The following MAPKAP1 variants were observed in gnomAD, a reference collection of about 807,000 sequenced individuals.
The protein encoded by MAPKAP1 is MAPK associated protein 1.
MAPKAP1 carries 20 observed loss-of-function variants against 65.7 expected under a neutral mutation model. That is an observed-to-expected ratio of 0.30 (90% confidence interval 0.21 to 0.44). MAPKAP1 has a LOEUF of 0.44. Among genes scored for constraint, MAPKAP1 ranks in the 20% least tolerant of loss-of-function variants. MAPKAP1 has a pLI of 1.00. For synonymous variants in MAPKAP1, 222 were observed against 244.3 expected, an observed-to-expected ratio of 0.91 and a Z score of 0.85; for missense variants, 423 against 648.0, an observed-to-expected ratio of 0.65 and a Z score of 3.77.
At chr9:125,497,479 T>A (rs1247445650) in intron 8 of MAPKAP1, among the ~76,000 whole-genome samples, 2 of 152,224 alleles carry the variant, frequency 1.3e-5, no homozygotes, top group African/African-American at 4.8e-5. Flanking sequence ...TCATGTGATA[T>A]TAGCAAATCA....
intron 6 of MAPKAP1, 97 bp from the exon 7 acceptor site, chr9:125,543,265 GTTTGTTTTGT>G: frequency 4.5e-6 from 4 of 892,702 alleles, no homozygotes; most frequent in South Asian, 2.9e-5. Context: ...TTTTGTTGTT[GTTTGTTTTGT>G]TTTGTTTTTG....
chr9:125,490,317 A>G (rs1434485736), intron 8 of MAPKAP1, among the ~76,000 whole-genome samples: 1 of 152,182 alleles, frequency 6.6e-6, no homozygotes, highest in Non-Finnish European at 1.5e-5. Context: ...AGGTGGGTGG[A>G]TCACCTGAGG....
chr9:125,474,120 A>C (rs1409635967), intron 9 of MAPKAP1, among the ~76,000 whole-genome samples: 1 of 152,104 alleles, frequency 6.6e-6, no homozygotes, highest in Non-Finnish European at 1.5e-5. Flanking sequence ...GAGCTCAGGG[A>C]GCCACGAGAA....
Position 125,644,357 on chromosome 9 carries a change from GA to G in MAPKAP1, c.498+13293del, listed in dbSNP as rs952586723. Among the ~76,000 whole-genome samples, 4 of 149,780 alleles carry G rather than the reference GA, an allele frequency of 2.7e-5. No homozygotes were observed. The East Asian group carries it at 7.8e-4, about 29-fold the overall frequency. ...ATCTATCGTAGTAGTAAGAGTCCTT[GA>G]AAAAAAAACATGAAACAGAAAATTT... is the stretch of plus-strand genomic sequence containing the variant. On this transcript the variant is annotated intron_variant, in intron 4 of 11. Coordinates refer to ENST00000265960, the MANE Select transcript of MAPKAP1 (RefSeq NM_001006617.3).
intron 3 of MAPKAP1, among the ~76,000 whole-genome samples, chr9:125,667,137 T>A (rs1310269378): frequency 3.3e-5 from 5 of 152,330 alleles, no homozygotes; most frequent in African/African-American, 1.2e-4. Context: ...AAAGGTGACA[T>A]AACTATTTCT....
intron 4 of MAPKAP1, among the ~76,000 whole-genome samples, chr9:125,643,785 T>A (rs1181794793): frequency 6.6e-6 from 1 of 152,214 alleles, no homozygotes; most frequent in Non-Finnish European, 1.5e-5. Context: ...AGGCTTTTGA[T>A]ATATATCACC....
At chr9:125,516,615 C>A (rs1829469023) in intron 7 of MAPKAP1, among the ~76,000 whole-genome samples, 1 of 152,150 alleles carries the variant, frequency 6.6e-6, no homozygotes, top group African/African-American at 2.4e-5. Flanking sequence ...ACAGAACTAC[C>A]CAATGTTTTA....
intron 8 of MAPKAP1, among the ~76,000 whole-genome samples, chr9:125,499,344 T>C (rs749320797): frequency 2.0e-5 from 3 of 152,260 alleles, no homozygotes; most frequent in Non-Finnish European, 4.4e-5. Context: ...GAAAACAATG[T>C]AATTCTTAGT....
intron 4 of MAPKAP1, among the ~76,000 whole-genome samples, chr9:125,625,243 A>AAAAAT (rs1554833058): frequency 3.7e-4 from 37 of 101,118 alleles, no homozygotes; most frequent in South Asian, 1.6e-3. Context: ...CAATAAAAAA[A>AAAAAT]AAATAAATAA....
chr9:125,641,437 T>C (rs1478196714), intron 4 of MAPKAP1, among the ~76,000 whole-genome samples: 1 of 152,242 alleles, frequency 6.6e-6, no homozygotes, highest in Non-Finnish European at 1.5e-5. Context: ...TGACATTTCA[T>C]TGTTTTAAAA....
At chr9:125,481,513 C>T (rs1270419050) in intron 9 of MAPKAP1, among the ~76,000 whole-genome samples, 1 of 151,894 alleles carries the variant, frequency 6.6e-6, no homozygotes. Flanking sequence ...GCCTTGACCT[C>T]CCAGACTCAA....
At chr9:125,675,029 A>G (rs1834604868) in intron 1 of MAPKAP1, among the ~76,000 whole-genome samples, 1 of 152,216 alleles carries the variant, frequency 6.6e-6, no homozygotes, top group African/African-American at 2.4e-5. Flanking sequence ...AAACTTCTCT[A>G]TAACCATAAA....
chr9:125,518,070 T>C (rs1829514348), intron 7 of MAPKAP1, among the ~76,000 whole-genome samples: 2 of 152,222 alleles, frequency 1.3e-5, no homozygotes, highest in Admixed American at 6.5e-5. Context: ...AAGGTGGCCT[T>C]GAAAATTGAA....
intron 4 of MAPKAP1, among the ~76,000 whole-genome samples, chr9:125,615,538 C>CAAAAAA (rs58426049): frequency 1.8e-5 from 2 of 110,754 alleles, no homozygotes; most frequent in African/African-American, 3.9e-5. Context: ...ACTAAAAATA[C>CAAAAAA]AAAAAAAAAA....
intron 8 of MAPKAP1, among the ~76,000 whole-genome samples, chr9:125,500,900 G>A (rs959463807): frequency 4.0e-5 from 6 of 151,836 alleles, no homozygotes; most frequent in African/African-American, 1.5e-4. Context: ...TTTAAAGAAT[G>A]AAAAAAAATG....
At position 125,439,943 on chromosome 9, in the gene MAPKAP1, G is replaced by T. The variant is rs1023026831; in HGVS notation, c.1444-931C>A. ...AGGCTTCCAGAGGAAAAGAGTGAGCGGGCTTTTGAGGGATACACAGGAGTT... is the reference window on the plus strand; with the variant it reads ...AGGCTTCCAGAGGAAAAGAGTGAGCTGGCTTTTGAGGGATACACAGGAGTT... On this transcript the variant is annotated intron_variant, in intron 11 of 11. Transcript: ENST00000265960. The surrounding 1 kb of genome is among the most constrained non-coding windows in gnomAD (Gnocchi z 4.0). Among the ~76,000 whole-genome samples, 11 of 152,214 alleles carry T rather than the reference G, an allele frequency of 7.2e-5. No individual in the cohort carries two copies. The highest frequency in any genetic ancestry group is 1.6e-4 in the Non-Finnish European group (11 of 68,034).
At chr9:125,546,046 T>C (rs1830413006) in intron 6 of MAPKAP1, among the ~76,000 whole-genome samples, 1 of 152,214 alleles carries the variant, frequency 6.6e-6, no homozygotes, top group Admixed American at 6.5e-5. Flanking sequence ...CACCCGTGAA[T>C]GTTAACGATA....
At chr9:125,632,339 G>T (rs1207747628) in intron 4 of MAPKAP1, among the ~76,000 whole-genome samples, 5 of 151,986 alleles carry the variant, frequency 3.3e-5, no homozygotes, top group Non-Finnish European at 2.9e-5. Context: ...TTAAATTAGG[G>T]ACTATCTCAT....
intron 9 of MAPKAP1, among the ~76,000 whole-genome samples, chr9:125,482,004 C>A (rs566622323): frequency 1.1e-4 from 16 of 151,412 alleles, no homozygotes; most frequent in African/African-American, 3.9e-4. Context: ...TGGTGGTGGG[C>A]GCCTGTAATC....
Sources: allele counts gnomAD v4.1 joint callset (sites outside exome capture counted in the v4.1 genomes callset), GRCh38; gene constraint gnomAD v4.1.1; non-coding constraint Gnocchi (gnomAD v3.1); transcripts MANE v1.5; gene names NCBI Gene and HGNC (gene_info 2026-07-23, HGNC 2026-07-21).